The following VTA1 variants were observed in gnomAD, a reference collection of about 807,000 sequenced individuals.
The protein encoded by VTA1 is vacuolar protein sorting-associated protein VTA1 homolog.
Under a neutral mutation model 36.9 loss-of-function variants are expected in VTA1, and 24 were observed. The observed-to-expected ratio is 0.65, with a 90% CI of 0.47 to 0.91. VTA1 has a LOEUF of 0.91. VTA1 is among the 40% of genes least tolerant of loss of function. The pLI is 0.00. For synonymous variants in VTA1, 142 were observed against 130.2 expected, an observed-to-expected ratio of 1.09 and a Z score of -0.62; for missense variants, 393 against 377.2, an observed-to-expected ratio of 1.04 and a Z score of -0.35.
At chr6:142,175,206 T>A (rs1775096625) in intron 4 of VTA1, among the ~76,000 whole-genome samples, 2 of 152,100 alleles carry the variant, frequency 1.3e-5, no homozygotes, top group Non-Finnish European at 2.9e-5. Context: ...TATTTTGAGC[T>A]TTTTTTCCCT....
intron 1 of VTA1, 111 bp downstream of exon 1, chr6:142,147,510 C>G: frequency 8.7e-7 from 1 of 1,152,680 alleles, no homozygotes; most frequent in South Asian, 1.4e-5. Flanking sequence ...TAAACCTGAG[C>G]TTTGACCTCG....
chr6:142,178,300 GAA>G (rs548212793), intron 4 of VTA1, among the ~76,000 whole-genome samples: 1 of 151,586 alleles, frequency 6.6e-6, no homozygotes, highest in Non-Finnish European at 1.5e-5. Context: ...AGGGCTGAAA[GAA>G]AAAAAATAAA....
At chr6:142,163,765 T>G (rs1774858644) in intron 1 of VTA1, among the ~76,000 whole-genome samples, 1 of 152,056 alleles carries the variant, frequency 6.6e-6, no homozygotes, top group Admixed American at 6.6e-5. Context: ...GAGGATGCCA[T>G]AAAGCAGCAA....
chr6:142,166,627 T>TC (rs1358650601), intron 2 of VTA1, among the ~76,000 whole-genome samples: 13 of 151,818 alleles, frequency 8.6e-5, no homozygotes, highest in African/African-American at 2.9e-4. Context: ...TTTTTTTTTT[T>TC]AAGTTGAGAC....
chr6:142,218,029 G>A (rs1257318026), intron 7 of VTA1, among the ~76,000 whole-genome samples: 1 of 152,150 alleles, frequency 6.6e-6, no homozygotes, highest in East Asian at 1.9e-4. Flanking sequence ...TTACATGGAT[G>A]GCACAAACAT....
chr6:142,206,029 A>G (rs1467689363), intron 7 of VTA1, among the ~76,000 whole-genome samples: 1 of 152,210 alleles, frequency 6.6e-6, no homozygotes, highest in Non-Finnish European at 1.5e-5. Flanking sequence ...ATCAACACTG[A>G]CATTTTAACA....
Position 142,219,296 on chromosome 6 carries a change from C to T in VTA1, c.*653C>T, listed in dbSNP as rs1425417921. ...AATGTTGATTTCCCAAGTGCTTTAC[C>T]TTATCTGTTAAAGCGTAAGATGAAT... On this transcript the variant is annotated 3_prime_UTR_variant, in exon 8 of 8. Coordinates refer to ENST00000367630, the MANE Select transcript of VTA1 (RefSeq NM_016485.5). 6.6e-6 allele frequency: 1 copy of T among 152,114 alleles called. No individual in the cohort carries two copies. The highest frequency in any genetic ancestry group is 1.5e-5 in the Non-Finnish European group (1 of 68,024). 9.4% of individuals were successfully genotyped at this position (152,114 alleles called of 1,614,324 possible).
chr6:142,203,061 A>G (rs905684210), intron 6 of VTA1, among the ~76,000 whole-genome samples: 1 of 152,016 alleles, frequency 6.6e-6, no homozygotes, highest in African/African-American at 2.4e-5. Flanking sequence ...AGAACTTCAT[A>G]CCAGAAAAAC....
At chr6:142,155,891 T>G (rs1216112947) in intron 1 of VTA1, among the ~76,000 whole-genome samples, 1 of 152,202 alleles carries the variant, frequency 6.6e-6, no homozygotes, top group African/African-American at 2.4e-5. Context: ...TTGCTTGTCT[T>G]TCTTCTAGAC....
chr6:142,153,675 C>T (rs529869836), intron 1 of VTA1, among the ~76,000 whole-genome samples: 18 of 151,886 alleles, frequency 1.2e-4, no homozygotes, highest in Admixed American at 6.6e-4. Flanking sequence ...TACTTTTGGC[C>T]GTCTATGGAA....
At chr6:142,206,494 C>T (rs1462629675) in intron 7 of VTA1, among the ~76,000 whole-genome samples, 2 of 152,118 alleles carry the variant, frequency 1.3e-5, no homozygotes, top group Admixed American at 6.5e-5. Context: ...CATAAGAAGA[C>T]TGTATTCTCA....
intron 4 of VTA1, among the ~76,000 whole-genome samples, chr6:142,172,486 C>T (rs1775046486): frequency 6.6e-6 from 1 of 152,184 alleles, no homozygotes; most frequent in African/African-American, 2.4e-5. Flanking sequence ...AGAGCCACTG[C>T]TCTCAGATAT....
intron 4 of VTA1, among the ~76,000 whole-genome samples, chr6:142,188,225 CTTTTTTTTTTTTTT>C (rs200348683): frequency 3.8e-4 from 30 of 78,928 alleles, no homozygotes; most frequent in Non-Finnish European, 6.3e-4. Flanking sequence ...TTCTTTATTT[CTTTTTTTTTTTTTT>C]TTTTTTTTTT....
intron 4 of VTA1, among the ~76,000 whole-genome samples, chr6:142,188,254 GA>G (rs1775385572): frequency 8.3e-5 from 1 of 12,070 alleles, no homozygotes; most frequent in African/African-American, 2.0e-4. Context: ...TTTTTTTTTT[GA>G]GACAGAGTCT....
intron 1 of VTA1, among the ~76,000 whole-genome samples, chr6:142,152,677 G>T (rs1778589851): frequency 6.6e-6 from 1 of 152,078 alleles, no homozygotes; most frequent in Non-Finnish European, 1.5e-5. Context: ...ACTTTTAGAT[G>T]TCAATATTTG....
intron 1 of VTA1, among the ~76,000 whole-genome samples, chr6:142,160,612 G>A (rs889091299): frequency 6.6e-6 from 1 of 152,010 alleles, no homozygotes; most frequent in African/African-American, 2.4e-5. Flanking sequence ...TTAGTTTGGC[G>A]TGTGCCTCCG....
chr6:142,169,165 A>G (rs1716217329), intron 2 of VTA1, among the ~76,000 whole-genome samples: 1 of 152,166 alleles, frequency 6.6e-6, no homozygotes, highest in African/African-American at 2.4e-5. Context: ...TTTAAGTTAT[A>G]TATGCCTAGA....
intron 1 of VTA1, among the ~76,000 whole-genome samples, chr6:142,154,391 G>C (rs1778621143): frequency 6.6e-6 from 1 of 152,022 alleles, no homozygotes; most frequent in Admixed American, 6.5e-5. Context: ...AGACATTTAA[G>C]TGTTTTAAAT....
rs1196974022 is a variant in VTA1 at position 142,198,496 on chromosome 6, C to T, written c.578C>T (p.Pro193Leu). The change falls in exon 6 of 8, where the codon CCA (proline) becomes CTA (leucine). Residue 193 changes from proline to leucine, a missense_variant. Pro to Leu is a moderately conservative substitution (Grantham distance 98, BLOSUM62 -3). Transcript: ENST00000367630. ...TCTCTGCCCACTCAGCCAACTCAGC[C>T]ATCATCATCTTCAACTTATGACCCA... Reference protein sequence around the residue: ...AASLPTQPTQPSSSSTYDPSN... With the variant: ...AASLPTQPTQLSSSSTYDPSN... 1 of 1,614,064 alleles carries T rather than the reference C, an allele frequency of 6.2e-7. No homozygotes were observed. Among genetic ancestry groups the T allele is most frequent in the Non-Finnish European group, 8.5e-7 (1 of 1,179,970 alleles).
Sources: allele counts gnomAD v4.1 joint callset (sites outside exome capture counted in the v4.1 genomes callset), GRCh38; gene constraint gnomAD v4.1.1; transcripts MANE v1.5; gene names NCBI Gene and HGNC (gene_info 2026-07-23, HGNC 2026-07-21).